Variants in PAK3 observed in about 807,000 individuals in gnomAD.
PAK3 encodes p21 (RAC1) activated kinase 3.
PAK3 carries 4 observed loss-of-function variants against 41.0 expected under a neutral mutation model. That is an observed-to-expected ratio of 0.10 (90% CI 0.05 to 0.22). PAK3 has a LOEUF of 0.22. PAK3 is among the 10% of genes least tolerant of loss of function. PAK3 has a pLI of 1.00. For synonymous variants in PAK3, 146 were observed against 139.6 expected, an observed-to-expected ratio of 1.05 and a Z score of -0.32; for missense variants, 205 against 409.9, an observed-to-expected ratio of 0.50 and a Z score of 4.32.
At chrX:111,034,808 A>G (rs1230925637) in intron 1 of PAK3, among the ~76,000 whole-genome samples, 1 of 111,160 alleles carries the variant, frequency 9.0e-6, no homozygotes, top group African/African-American at 3.3e-5. Flanking sequence ...TCATCTTTTA[A>G]TAGAAATGGT....
At chrX:111,032,175 A>G (rs1165844583) in intron 1 of PAK3, among the ~76,000 whole-genome samples, 1 of 112,126 alleles carries the variant, frequency 8.9e-6, no homozygotes. Flanking sequence ...AAGAGGCTCT[A>G]CACTGCATTT....
At chrX:111,169,137 G>T in intron 10 of PAK3, 1 of 130,192 alleles carries the variant, frequency 7.7e-6, no homozygotes, top group South Asian at 2.5e-4. Context: ...TTCTACACAC[G>T]GCATTGTGTG....
chrX:111,100,695 T>C (rs758383258), intron 3 of PAK3, among the ~76,000 whole-genome samples: 234 of 111,879 alleles, frequency 2.1e-3, no homozygotes, highest in African/African-American at 7.2e-3. Context: ...GAAGGCTCTG[T>C]GGTAGACAGA....
intron 4 of PAK3, among the ~76,000 whole-genome samples, chrX:111,104,583 G>A (rs143009585): frequency 1.8e-5 from 2 of 111,197 alleles, no homozygotes; most frequent in Non-Finnish European, 3.8e-5. Flanking sequence ...AGGCCTTGAC[G>A]GACAGAAGGT....
chrX:111,164,377 A>G (rs2094227406), intron 10 of PAK3, among the ~76,000 whole-genome samples: 1 of 111,296 alleles, frequency 9.0e-6, no homozygotes, highest in Admixed American at 9.6e-5. Context: ...CTATAAAAGC[A>G]TCTAACAAAT....
intron 1 of PAK3, among the ~76,000 whole-genome samples, chrX:110,978,854 T>C (rs1031888298): frequency 2.9e-4 from 32 of 110,617 alleles, no homozygotes; most frequent in African/African-American, 9.6e-4. Context: ...TTGGAAAGTG[T>C]TTTTCTCCCC....
chrX:111,065,476 T>G (rs767802941), intron 1 of PAK3, among the ~76,000 whole-genome samples: 1 of 111,642 alleles, frequency 9.0e-6, no homozygotes, highest in Non-Finnish European at 1.9e-5. Flanking sequence ...GTTGAAGATT[T>G]TTGTGTCTAT....
At chrX:111,048,188 T>C (rs920060350) in intron 1 of PAK3, among the ~76,000 whole-genome samples, 2 of 111,453 alleles carry the variant, frequency 1.8e-5, no homozygotes, top group African/African-American at 6.5e-5. Context: ...AACTCAGTAC[T>C]CTTCCAGCTT....
At chrX:110,994,890 A>G (rs1183910539) in intron 1 of PAK3, among the ~76,000 whole-genome samples, 2 of 112,004 alleles carry the variant, frequency 1.8e-5, no homozygotes, top group African/African-American at 6.5e-5. Context: ...TATTATTATC[A>G]TAATTACCAT....
intron 1 of PAK3, among the ~76,000 whole-genome samples, chrX:110,988,264 G>A (rs1266755803): frequency 9.0e-6 from 1 of 111,255 alleles, no homozygotes; most frequent in Non-Finnish European, 1.9e-5. Flanking sequence ...TTGGTGTAGA[G>A]CACTGTTATT....
chrX:110,989,028 C>T (rs2091595653), intron 1 of PAK3, among the ~76,000 whole-genome samples: 1 of 112,294 alleles, frequency 8.9e-6, no homozygotes, highest in South Asian at 3.7e-4. Context: ...TAGCTTAAAA[C>T]TATCCTTCCG....
upstream of PAK3, among the ~76,000 whole-genome samples, chrX:111,093,434 G>T (rs1246508983): frequency 8.9e-6 from 1 of 111,795 alleles, no homozygotes; most frequent in Non-Finnish European, 1.9e-5. Flanking sequence ...TCCCAAGCAA[G>T]AGAACAGTGA....
At chrX:110,965,657 G>A (rs773062583) in intron 1 of PAK3, among the ~76,000 whole-genome samples, 2 of 112,483 alleles carry the variant, frequency 1.8e-5, no homozygotes, top group South Asian at 7.5e-4. Context: ...ATTTATTCAA[G>A]CTTCAGTTTT....
At chrX:111,207,829 T>G (rs1174070226) in intron 16 of PAK3, among the ~76,000 whole-genome samples, 1 of 112,041 alleles carries the variant, frequency 8.9e-6, no homozygotes. Context: ...GAGTCTCACT[T>G]TGTTACCCAG....
chrX:111,057,264 C>T (rs1226797889), intron 1 of PAK3, among the ~76,000 whole-genome samples: 1 of 111,415 alleles, frequency 9.0e-6, no homozygotes, highest in African/African-American at 3.3e-5. Flanking sequence ...GATGAGGTAC[C>T]ACCTTACTCC....
intron 8 of PAK3, among the ~76,000 whole-genome samples, chrX:111,161,249 C>T (rs888425958): frequency 1.3e-4 from 15 of 111,913 alleles, no homozygotes; most frequent in Non-Finnish European, 2.6e-4. Flanking sequence ...TGTTTTTTGG[C>T]GGCATAAATA....
upstream of PAK3, among the ~76,000 whole-genome samples, chrX:111,095,188 T>A (rs933839694): frequency 3.6e-5 from 4 of 112,097 alleles, no homozygotes; most frequent in Admixed American, 2.8e-4. Flanking sequence ...GATATATTTA[T>A]CTTTATGAAA....
At chrX:111,008,169 T>C (rs2091960158) in intron 1 of PAK3, among the ~76,000 whole-genome samples, 1 of 112,445 alleles carries the variant, frequency 8.9e-6, no homozygotes, top group Admixed American at 9.4e-5. Flanking sequence ...CTAGTCCTAC[T>C]TGCTAGTTGT....
intron 1 of PAK3, among the ~76,000 whole-genome samples, chrX:111,034,398 G>T (rs768820128): frequency 3.6e-5 from 4 of 111,831 alleles, no homozygotes; most frequent in Non-Finnish European, 7.5e-5. Context: ...CTGCTTCAAT[G>T]ACCACATTGT....
Sources: allele counts gnomAD v4.1 joint callset (sites outside exome capture counted in the v4.1 genomes callset), GRCh38; gene constraint gnomAD v4.1.1; transcripts MANE v1.5; gene names NCBI Gene and HGNC (gene_info 2026-07-23, HGNC 2026-07-21).